ARFGEF3: variants seen among roughly 807,000 people sequenced by gnomAD.
The protein encoded by ARFGEF3 is brefeldin A-inhibited guanine nucleotide-exchange protein 3.
In ARFGEF3, 96 loss-of-function variants were observed where a neutral mutation model predicts 221.7. The ratio of observed to expected loss-of-function variants is 0.43; its 90% CI spans 0.37 to 0.51. The LOEUF is 0.51. Among genes scored for constraint, ARFGEF3 ranks in the 20% least tolerant of loss-of-function variants. ARFGEF3 has a pLI of 0.00. For synonymous variants in ARFGEF3, 1,145 were observed against 1,126.8 expected, an observed-to-expected ratio of 1.02 and a Z score of -0.32; for missense variants, 2,410 against 2,789.9, an observed-to-expected ratio of 0.86 and a Z score of 3.07.
rs1776639384 is a variant in ARFGEF3 at position 138,162,517 on chromosome 6, A to G, written c.85+346A>G. On this transcript the variant is annotated intron_variant, in intron 1 of 33. Transcript: ENST00000251691. The surrounding 1 kb of genome is among the most constrained non-coding windows in gnomAD (Gnocchi z 4.7). ...TGCGAATCCTGGGGCCTGACAGCGA[A>G]GCGCCTCTGGGGAAAAGGGAAGTTA... Among the ~76,000 whole-genome samples, 1 of 152,192 alleles carries G rather than the reference A, an allele frequency of 6.6e-6. No homozygotes were observed. The highest frequency in any genetic ancestry group is 6.5e-5 in the Admixed American group (1 of 15,278).
Position 138,343,794 on chromosome 6 carries a change from TTCTC to T in ARFGEF3, c.*7312_*7315del, listed in dbSNP as rs1780470175. The T allele has an allele frequency of 6.6e-6, 1 of 152,204 alleles. No homozygotes were observed. The highest frequency in any genetic ancestry group is 6.5e-5 in the Admixed American group (1 of 15,278). 9.4% of individuals were successfully genotyped at this position (152,204 alleles called of 1,614,324 possible). A position where few individuals can be genotyped will look rare whatever the true frequency, so the allele number is the denominator to read the frequency against. ...TTCATCTGGTTCTTATTGGGAGTGC[TTCTC>T]TCTAATAAAAATTGATTTCCCACAA... is the stretch of plus-strand genomic sequence containing the variant. On this transcript the variant is annotated 3_prime_UTR_variant, in exon 34 of 34. Coordinates refer to ENST00000251691, the MANE Select transcript of ARFGEF3 (RefSeq NM_020340.5).
At chr6:138,181,976 T>G (rs895712849) in intron 2 of ARFGEF3, among the ~76,000 whole-genome samples, 1 of 152,236 alleles carries the variant, frequency 6.6e-6, no homozygotes, top group African/African-American at 2.4e-5. Flanking sequence ...TCCATAGAGT[T>G]ATTTACATCT....
At chr6:138,229,901 T>G in intron 5 of ARFGEF3, 49 bp downstream of exon 5, 46 of 1,420,690 alleles carry the variant, frequency 3.2e-5, no homozygotes, top group African/African-American at 4.2e-5. Context: ...GCTTTATCTC[T>G]GACTGGGATA....
intron 10 of ARFGEF3, among the ~76,000 whole-genome samples, chr6:138,258,653 A>G (rs1289853967): frequency 2.0e-5 from 3 of 152,234 alleles, no homozygotes; most frequent in East Asian, 1.9e-4. Flanking sequence ...TGACTCCTCA[A>G]CTATACTTTT....
rs571574644 is a variant in ARFGEF3 at position 138,310,952 on chromosome 6, G to A, written c.4097-455G>A. ...AAAGAAATCCTTTTCCAAATGGAGAGAGAGAAGCGCTTCATTCCAGCCCAA... is the reference window on the plus strand; with the variant it reads ...AAAGAAATCCTTTTCCAAATGGAGAAAGAGAAGCGCTTCATTCCAGCCCAA... On this transcript the variant is annotated intron_variant, in intron 24 of 33. Transcript: ENST00000251691. Among the ~76,000 whole-genome samples the A allele has an allele frequency of 1.1e-4, 17 of 152,332 alleles. 1 individual carries two copies. In the South Asian group the frequency reaches 3.3e-3, roughly 30 times the overall value.
intron 2 of ARFGEF3, among the ~76,000 whole-genome samples, chr6:138,206,630 G>A (rs951161381): frequency 3.3e-5 from 5 of 152,188 alleles, no homozygotes; most frequent in African/African-American, 7.2e-5. Flanking sequence ...TTCCAGGTAA[G>A]GAAGAGGTAG....
chr6:138,173,940 A>G (rs559140797), intron 2 of ARFGEF3, among the ~76,000 whole-genome samples: 1 of 152,216 alleles, frequency 6.6e-6, no homozygotes, highest in Non-Finnish European at 1.5e-5. Context: ...TCATCTTACT[A>G]TTCAAAAGAA....
intron 33 of ARFGEF3, 37 bp from the exon 34 acceptor site, chr6:138,336,258 G>A: frequency 6.9e-7 from 1 of 1,453,990 alleles, no homozygotes; most frequent in Non-Finnish European, 9.2e-7. Flanking sequence ...AAAACCAGGG[G>A]GGAAAGCCAC....
At position 138,184,366 on chromosome 6, in the gene ARFGEF3, G is replaced by A. The variant is rs536121070; in HGVS notation, c.137+13653G>A. 4.6e-5 allele frequency among the ~76,000 whole-genome samples: 7 copies of A among 152,198 alleles called. No homozygotes were observed. In the East Asian group the frequency reaches 1.4e-3, roughly 29 times the overall value. On this transcript the variant is annotated intron_variant, in intron 2 of 33. Transcript: ENST00000251691. Reference sequence around the variant, plus strand: ...TTCATAAGACAGCAGTTTGCAGAATGTACAACAAATGAATTAACATTCACA... The same window carrying A: ...TTCATAAGACAGCAGTTTGCAGAATATACAACAAATGAATTAACATTCACA...
At chr6:138,327,771 A>G (rs1437695594) in intron 31 of ARFGEF3, among the ~76,000 whole-genome samples, 1 of 152,216 alleles carries the variant, frequency 6.6e-6, no homozygotes, top group Non-Finnish European at 1.5e-5. Context: ...GAATTGTCAC[A>G]TGGTAGAACT....
chr6:138,318,929 A>C (rs1399771055), intron 27 of ARFGEF3, among the ~76,000 whole-genome samples: 1 of 152,196 alleles, frequency 6.6e-6, no homozygotes, highest in Non-Finnish European at 1.5e-5. Flanking sequence ...AAAAATGAGG[A>C]ATATGCAAAT....
chr6:138,255,476 C>G lies in ARFGEF3; in HGVS notation c.811C>G (p.Pro271Ala). 6.2e-7 allele frequency: 1 copy of G among 1,611,594 alleles called. No individual in the cohort carries two copies. The highest frequency in any genetic ancestry group is 8.5e-7 in the Non-Finnish European group (1 of 1,177,930). Reference sequence around the variant, plus strand: ...TGCTCTCATCGTGATCTTGGGGAATCCAATTCATGACAAAACCATCACCTC... The same window carrying G: ...TGCTCTCATCGTGATCTTGGGGAATGCAATTCATGACAAAACCATCACCTC... ...CPALIVILGN[P>A]IHDKTITSAH... is the part of the protein sequence containing the mutation. Residue 271 changes from proline (P) to alanine (A), a missense_variant, in exon 10 of 34, where the codon CCA becomes GCA. Pro to Ala is a conservative substitution (Grantham distance 27). Around this residue, in one of 5 missense-constraint regions of ARFGEF3, gnomAD observed 570 missense variants for 586.9 expected, o/e 0.97. Coordinates refer to ENST00000251691, the MANE Select transcript of ARFGEF3 (RefSeq NM_020340.5).
intron 2 of ARFGEF3, among the ~76,000 whole-genome samples, chr6:138,203,268 G>A (rs1777569601): frequency 6.6e-6 from 1 of 152,116 alleles, no homozygotes; most frequent in Admixed American, 6.5e-5. Flanking sequence ...CTTGGTCTTG[G>A]GAGTCAGATG....
chr6:138,329,944 C>T (rs942196608), intron 32 of ARFGEF3, among the ~76,000 whole-genome samples: 5 of 150,952 alleles, frequency 3.3e-5, no homozygotes, highest in Admixed American at 6.6e-5. Flanking sequence ...GGGGTGGGGC[C>T]GTTTTATAGG....
rs553499463 is a variant in ARFGEF3 at position 138,310,500 on chromosome 6, C to T, written c.4097-907C>T. On this transcript the variant is annotated intron_variant, in intron 24 of 33. Transcript: ENST00000251691. The stretch of plus-strand genomic sequence containing the variant: ...AAAGCCTGAAGTATTTACTCTCTGG[C>T]CCTTTGCCAAAAACATTTGCTAACC... 5.9e-5 allele frequency among the ~76,000 whole-genome samples: 9 copies of T among 152,298 alleles called. No homozygotes were observed. The South Asian group carries it at 1.2e-3, about 21-fold the overall frequency.
rs546542054 is a variant in ARFGEF3 at position 138,189,022 on chromosome 6, C to T, written c.138-18020C>T. ...TAAAATTTTACCTCATTGTTCTCTG[C>T]GTGATGCTTGTTGCCAAAATGAATT... On this transcript the variant is annotated intron_variant, in intron 2 of 33. Coordinates refer to ENST00000251691, the MANE Select transcript of ARFGEF3 (RefSeq NM_020340.5). Among the ~76,000 whole-genome samples the T allele has an allele frequency of 3.9e-5, 6 of 152,240 alleles. No individual in the cohort carries two copies. The South Asian group carries it at 8.3e-4, about 21-fold the overall frequency.
chr6:138,232,766 A>C (rs1369749189), intron 5 of ARFGEF3, among the ~76,000 whole-genome samples: 1 of 152,210 alleles, frequency 6.6e-6, no homozygotes, highest in Non-Finnish European at 1.5e-5. Context: ...TGCCTAAGGC[A>C]TGGCAATAAG....
Position 138,296,604 on chromosome 6 carries a change from A to G in ARFGEF3, c.3503-206A>G, listed in dbSNP as rs921756968. Among the ~76,000 whole-genome samples the G allele has an allele frequency of 9.2e-5, 14 of 152,218 alleles. No homozygotes were observed. The East Asian group carries it at 1.2e-3, about 13-fold the overall frequency. ...CTGTCACGTCCCAGGTACCGGGGCT[A>G]CAGTGGTGAGTGAGAGGACGATGCA... On this transcript the variant is annotated intron_variant, in intron 20 of 33. Coordinates refer to ENST00000251691, the MANE Select transcript of ARFGEF3 (RefSeq NM_020340.5).
chr6:138,249,350 G>C (rs1469450741), intron 8 of ARFGEF3, among the ~76,000 whole-genome samples: 1 of 152,060 alleles, frequency 6.6e-6, no homozygotes, highest in East Asian at 1.9e-4. Flanking sequence ...TTTATTTTTT[G>C]AGACAGTCTC....
Sources: allele counts gnomAD v4.1 joint callset (sites outside exome capture counted in the v4.1 genomes callset), GRCh38; gene constraint gnomAD v4.1.1; regional missense constraint gnomAD v4.1.1; non-coding constraint Gnocchi (gnomAD v3.1); transcripts MANE v1.5; gene names NCBI Gene and HGNC (gene_info 2026-07-23, HGNC 2026-07-21).